PPP1R9A: variants seen among roughly 807,000 people sequenced by gnomAD.
PPP1R9A encodes protein phosphatase 1 regulatory subunit 9A, also known as neurabin-1.
PPP1R9A carries 59 observed loss-of-function variants against 141.9 expected under a neutral mutation model. The ratio of observed to expected loss-of-function variants is 0.42; its 90% CI spans 0.34 to 0.52. PPP1R9A has a LOEUF of 0.52. Ranked by LOEUF, PPP1R9A falls within the 20% of genes least tolerant of loss-of-function variation. The pLI is 0.10. For synonymous variants in PPP1R9A, 500 were observed against 569.7 expected (o/e 0.88, Z 1.74); for missense variants, 1,444 against 1,611.9 (o/e 0.90, Z 1.78).
chr7:94,984,509 G>T (rs1002237914), intron 2 of PPP1R9A, among the ~76,000 whole-genome samples: 8 of 152,044 alleles, frequency 5.3e-5, no homozygotes, highest in African/African-American at 7.2e-5. Flanking sequence ...CAATTTCAGA[G>T]CCTGTTATTG....
At chr7:94,919,656 C>T (rs945154303) in intron 2 of PPP1R9A, among the ~76,000 whole-genome samples, 15 of 151,976 alleles carry the variant, frequency 9.9e-5, no homozygotes, top group Admixed American at 4.6e-4. Flanking sequence ...TTTTCTCATC[C>T]TTCAATATTT....
At chr7:94,940,514 C>T (rs1278748844) in intron 2 of PPP1R9A, among the ~76,000 whole-genome samples, 1 of 151,856 alleles carries the variant, frequency 6.6e-6, no homozygotes. Flanking sequence ...AATCATAGCT[C>T]ATAAACATGA....
intron 2 of PPP1R9A, among the ~76,000 whole-genome samples, chr7:95,098,848 T>G (rs114886464): frequency 0.027 from 4,144 of 152,232 alleles, 188 homozygotes; most frequent in African/African-American, 0.095. Context: ...CATTCAGAGG[T>G]CCAGTCACCC....
chr7:95,171,434 C>CATAA lies in PPP1R9A; in HGVS notation c.1754+9465_1754+9468dup, dbSNP rs529680713. Among the ~76,000 whole-genome samples, 697 of 151,614 alleles carry CATAA rather than the reference C, an allele frequency of 4.6e-3. 5 individuals carry two copies. Among genetic ancestry groups the CATAA allele is most frequent in the African/African-American group, 0.016 (656 of 41,508 alleles). ...AAATTTTAAAAGTCAGTTTTGAAAA[C>CATAA]ATAAAGTTAGTAAATCTTTAGTCAG... On this transcript the variant is annotated intron_variant, in intron 5 of 19. Coordinates refer to ENST00000433360, the MANE Select transcript of PPP1R9A (RefSeq NM_001166160.2).
chr7:95,284,269 C>G lies in PPP1R9A; in HGVS notation c.3548C>G (p.Ser1183Cys). The G allele has an allele frequency of 6.4e-7, 1 of 1,570,356 alleles. No individual in the cohort carries two copies. The highest frequency in any genetic ancestry group is 8.7e-7 in the Non-Finnish European group (1 of 1,155,348). ...AACAAGAGAAACCCAAATCCCTCCT[C>G]TTCTTCAATCTTTGGAAGGCATTCT... ...KANKRNPNPS[S>C]SSIFGRHSQL... The change falls in exon 17 of 20, where the codon TCT (serine) becomes TGT (cysteine). Residue 1183 changes from serine to cysteine, a missense_variant. Coordinates refer to ENST00000433360, the MANE Select transcript of PPP1R9A (RefSeq NM_001166160.2).
At chr7:95,214,264 C>T (rs1226003595) in intron 7 of PPP1R9A, 1 of 152,234 alleles carries the variant, frequency 6.6e-6, no homozygotes, top group African/African-American at 2.4e-5. Flanking sequence ...TAGCCAGAGC[C>T]GTGGTCATCC....
chr7:94,934,654 G>T (rs773886696), intron 2 of PPP1R9A, among the ~76,000 whole-genome samples: 1 of 151,662 alleles, frequency 6.6e-6, no homozygotes, highest in South Asian at 2.1e-4. Context: ...TGGTGCTTTT[G>T]TTATCGATGT....
At chr7:95,135,195 T>C (rs982148997) in intron 4 of PPP1R9A, among the ~76,000 whole-genome samples, 2 of 152,198 alleles carry the variant, frequency 1.3e-5, no homozygotes, top group African/African-American at 2.4e-5. Context: ...TTTACATGTA[T>C]GTGTACATGT....
intron 17 of PPP1R9A, among the ~76,000 whole-genome samples, chr7:95,285,676 G>T (rs1805168788): frequency 6.6e-6 from 1 of 152,158 alleles, no homozygotes; most frequent in Non-Finnish European, 1.5e-5. Flanking sequence ...GTATTGTCAG[G>T]CTGTGACCTC....
chr7:95,274,159 C>A lies in PPP1R9A; in HGVS notation c.3287C>A (p.Ala1096Glu), dbSNP rs890250158. Residue 1096 changes from alanine (A) to glutamate (E), a missense_variant, in exon 16 of 20, where the codon GCA becomes GAA. Ala to Glu is a moderately radical substitution (Grantham distance 107). Coordinates refer to ENST00000433360, the MANE Select transcript of PPP1R9A (RefSeq NM_001166160.2). Reference protein sequence around the residue: ...EKEKEASRFSAGSRIFRGRLE... With the variant: ...EKEKEASRFSEGSRIFRGRLE... ...GAAAAAGAAGCCAGTAGGTTTTCTGCAGGTAGCAGGTACGGTTGTGTGATT... is the reference window on the plus strand; with the variant it reads ...GAAAAAGAAGCCAGTAGGTTTTCTGAAGGTAGCAGGTACGGTTGTGTGATT... 2 of 1,562,588 alleles carry A rather than the reference C, an allele frequency of 1.3e-6. No homozygotes were observed. The highest frequency in any genetic ancestry group is 1.7e-6 in the Non-Finnish European group (2 of 1,154,958).
intron 4 of PPP1R9A, among the ~76,000 whole-genome samples, chr7:95,144,411 T>G (rs572324438): frequency 2.6e-5 from 4 of 151,690 alleles, no homozygotes; most frequent in East Asian, 1.9e-4. Context: ...AGACACTGGG[T>G]TTTTTTTTCC....
At chr7:95,145,408 T>A (rs1402976215) in intron 4 of PPP1R9A, among the ~76,000 whole-genome samples, 1 of 152,102 alleles carries the variant, frequency 6.6e-6, no homozygotes, top group Non-Finnish European at 1.5e-5. Context: ...GCCCCAAAAT[T>A]CAGTCTTCAA....
At chr7:95,008,326 A>G (rs113693661) in intron 2 of PPP1R9A, among the ~76,000 whole-genome samples, 3,405 of 152,168 alleles carry the variant, frequency 0.022, 126 homozygotes, top group African/African-American at 0.078. Context: ...TCTCCCTACA[A>G]TCGGCATACA....
intron 2 of PPP1R9A, among the ~76,000 whole-genome samples, chr7:94,912,924 T>A (rs1395583626): frequency 6.6e-6 from 1 of 152,124 alleles, no homozygotes; most frequent in African/African-American, 2.4e-5. Flanking sequence ...TGCCCTACTC[T>A]AGATGGTCTT....
intron 2 of PPP1R9A, among the ~76,000 whole-genome samples, chr7:94,965,519 G>T (rs1172606600): frequency 6.6e-6 from 1 of 152,096 alleles, no homozygotes; most frequent in Admixed American, 6.5e-5. Context: ...AAGGGGTCCA[G>T]TTTCAGTTTT....
chr7:95,193,587 A>G (rs1835822911), intron 5 of PPP1R9A, among the ~76,000 whole-genome samples: 1 of 152,032 alleles, frequency 6.6e-6, no homozygotes, highest in Non-Finnish European at 1.5e-5. Context: ...TTCACAGATA[A>G]TTCTGGTTTG....
chr7:95,113,758 A>G (rs772767304), intron 3 of PPP1R9A, among the ~76,000 whole-genome samples: 5 of 152,230 alleles, frequency 3.3e-5, no homozygotes, highest in Admixed American at 6.5e-5. Context: ...CATTGCCTAC[A>G]TACTTTATCT....
chr7:95,102,949 A>G (rs1367429627), intron 2 of PPP1R9A, among the ~76,000 whole-genome samples: 3 of 152,292 alleles, frequency 2.0e-5, no homozygotes, highest in East Asian at 3.9e-4. Context: ...TTTAGATGAG[A>G]TGAACATTTA....
chr7:95,282,393 G>T (rs924456184), intron 16 of PPP1R9A, among the ~76,000 whole-genome samples: 10 of 152,150 alleles, frequency 6.6e-5, no homozygotes, highest in Non-Finnish European at 1.0e-4. Flanking sequence ...CAGAGAGATT[G>T]ACCTCTGCAG....
Sources: allele counts gnomAD v4.1 joint callset (sites outside exome capture counted in the v4.1 genomes callset), GRCh38; gene constraint gnomAD v4.1.1; transcripts MANE v1.5; gene names NCBI Gene and HGNC (gene_info 2026-07-23, HGNC 2026-07-21).